PBX1: variants seen among roughly 807,000 people sequenced by gnomAD.
PBX1 encodes pre-B-cell leukemia transcription factor 1.
In PBX1, 6 loss-of-function variants were observed where a neutral mutation model predicts 53.4. The ratio of observed to expected loss-of-function variants is 0.11; its 90% CI spans 0.06 to 0.22. The LOEUF is 0.22. Ranked by LOEUF, PBX1 falls within the 10% of genes least tolerant of loss-of-function variation. The pLI is 1.00. For missense variants in PBX1, 251 were observed against 551.4 expected (o/e 0.46, Z 5.46); for synonymous variants, 204 against 212.3 (o/e 0.96, Z 0.34).
chr1:164,670,982 G>A (rs964455515), intron 2 of PBX1, among the ~76,000 whole-genome samples: 1 of 152,152 alleles, frequency 6.6e-6, no homozygotes, highest in African/African-American at 2.4e-5. Context: ...TTCCCTATCA[G>A]CCAGTGACAT....
rs183324512 is a variant in PBX1, at chr1:164,626,659, C to T, written c.265+63348C>T. ...CAGAGATAGGCAACTGCTGTTTTCCCGTCTTAAAACTCTAGAAAACTGGAG... is the reference window on the plus strand; with the variant it reads ...CAGAGATAGGCAACTGCTGTTTTCCTGTCTTAAAACTCTAGAAAACTGGAG... On this transcript the variant is annotated intron_variant, in intron 2 of 8. Transcript: ENST00000420696. Among the ~76,000 whole-genome samples, 69 of 152,238 alleles carry T rather than the reference C, an allele frequency of 4.5e-4. 1 individual carries two copies. The highest frequency in any genetic ancestry group is 2.1e-4 in the Non-Finnish European group (14 of 68,022).
intron 2 of PBX1, among the ~76,000 whole-genome samples, chr1:164,776,651 A>G (rs937437506): frequency 6.6e-6 from 1 of 152,146 alleles, no homozygotes. Context: ...TTCTTTTCCT[A>G]GTGACTTTAA....
At chr1:164,664,764 T>C (rs1660708362) in intron 2 of PBX1, among the ~76,000 whole-genome samples, 1 of 152,104 alleles carries the variant, frequency 6.6e-6, no homozygotes, top group Admixed American at 6.6e-5. Context: ...ATATCTTATG[T>C]GGATGGCAGC....
At chr1:164,739,770 T>C (rs957808717) in intron 2 of PBX1, among the ~76,000 whole-genome samples, 8 of 151,476 alleles carry the variant, frequency 5.3e-5, no homozygotes, top group South Asian at 2.1e-4. Context: ...TGTGTGTGTG[T>C]GTGTGTGTGT....
chr1:164,619,594 A>G lies in PBX1; in HGVS notation c.265+56283A>G, dbSNP rs186635267. Among the ~76,000 whole-genome samples the G allele has an allele frequency of 3.0e-3, 453 of 152,266 alleles. 1 individual carries two copies. The highest frequency in any genetic ancestry group is 6.8e-3 in the Middle Eastern group (2 of 294). Reference sequence around the variant, plus strand: ...CAAAGCCTAAGTACTCGCCTTGACCACAGGGAGCAGTTCACCTCCCTTGGG... The same window carrying G: ...CAAAGCCTAAGTACTCGCCTTGACCGCAGGGAGCAGTTCACCTCCCTTGGG... On this transcript the variant is annotated intron_variant, in intron 2 of 8. Transcript: ENST00000420696.
At chr1:164,595,432 T>C (rs76972130) in intron 2 of PBX1, among the ~76,000 whole-genome samples, 9,311 of 152,074 alleles carry the variant, frequency 0.061, 368 homozygotes, top group Middle Eastern at 0.095. Context: ...ATGATGGCTC[T>C]TCAAGCTAAG....
chr1:164,736,392 T>C (rs925445928), intron 2 of PBX1, among the ~76,000 whole-genome samples: 2 of 152,112 alleles, frequency 1.3e-5, no homozygotes, highest in Non-Finnish European at 2.9e-5. Flanking sequence ...GGCTGTCAGC[T>C]CCACTCACCC....
chr1:164,833,185 C>T (rs532449111), intron 8 of PBX1, among the ~76,000 whole-genome samples: 85 of 149,514 alleles, frequency 5.7e-4, no homozygotes, highest in African/African-American at 2.1e-3. Flanking sequence ...GGCAATAACC[C>T]TCCCCTCGCT....
At chr1:164,744,396 C>T (rs576550224) in intron 2 of PBX1, among the ~76,000 whole-genome samples, 5 of 152,304 alleles carry the variant, frequency 3.3e-5, no homozygotes, top group South Asian at 4.1e-4. Flanking sequence ...GTCTTAGATA[C>T]GTCTAATGAG....
chr1:164,709,574 C>T (rs1663635616), intron 2 of PBX1, among the ~76,000 whole-genome samples: 1 of 151,994 alleles, frequency 6.6e-6, no homozygotes, highest in Non-Finnish European at 1.5e-5. Context: ...TTAAGACCAC[C>T]AAGACATTTC....
At chr1:164,821,816 G>A (rs1177794672) in intron 8 of PBX1, among the ~76,000 whole-genome samples, 190 bp downstream of exon 8, 2 of 152,164 alleles carry the variant, frequency 1.3e-5, no homozygotes, top group East Asian at 3.9e-4. Context: ...GATTGGGCAG[G>A]CTTCATGCAG....
chr1:164,869,811 G>C (rs149155086), intron 2 of PBX1, among the ~76,000 whole-genome samples: 3 of 152,330 alleles, frequency 2.0e-5, no homozygotes, highest in African/African-American at 7.2e-5. Flanking sequence ...AGTGACATTT[G>C]AGTAAGACCT....
chr1:164,682,775 A>G (rs760563272), intron 2 of PBX1: 1 of 152,204 alleles, frequency 6.6e-6, no homozygotes, highest in Non-Finnish European at 1.5e-5. Flanking sequence ...CTGCCATTGC[A>G]GAGTCCCGTC....
chr1:164,719,131 A>G (rs1023206248), intron 2 of PBX1, among the ~76,000 whole-genome samples: 4 of 152,192 alleles, frequency 2.6e-5, no homozygotes, highest in African/African-American at 9.6e-5. Context: ...TGCAAAAGAG[A>G]CCTACACAGA....
chr1:164,769,243 T>G (rs1667239435), intron 2 of PBX1: 1 of 152,194 alleles, frequency 6.6e-6, no homozygotes, highest in Non-Finnish European at 1.5e-5. Flanking sequence ...CAAATGAGAC[T>G]CTGGCCCCAA....
At chr1:164,633,827 G>T (rs1465985975) in intron 2 of PBX1, among the ~76,000 whole-genome samples, 1 of 152,110 alleles carries the variant, frequency 6.6e-6, no homozygotes, top group African/African-American at 2.4e-5. Context: ...TATCTGCCTC[G>T]GAGTTAATAC....
Position 164,799,905 on chromosome 1 carries a change from G to A in PBX1, c.701+16G>A. ...TGGATGCGCGGTGAGTCTCCCATGG[G>A]GCTGTCCTGCCCTCTCTGGGAGTCC... On this transcript the variant is annotated intron_variant, in intron 4 of 8. Coordinates refer to ENST00000420696, the MANE Select transcript of PBX1 (RefSeq NM_002585.4). The A allele has an allele frequency of 6.2e-7, 1 of 1,602,640 alleles. No individual in the cohort carries two copies.
At chr1:164,747,418 A>C (rs898342130) in intron 2 of PBX1, among the ~76,000 whole-genome samples, 3 of 152,122 alleles carry the variant, frequency 2.0e-5, no homozygotes, top group Non-Finnish European at 4.4e-5. Context: ...TATTCACAGA[A>C]GATAACTTTG....
chr1:164,659,437 T>C (rs766457079), intron 2 of PBX1, among the ~76,000 whole-genome samples: 2 of 152,220 alleles, frequency 1.3e-5, no homozygotes, highest in African/African-American at 2.4e-5. Context: ...CTGTAGCATA[T>C]GTTTCCCTTG....
Sources: allele counts gnomAD v4.1 joint callset (sites outside exome capture counted in the v4.1 genomes callset), GRCh38; gene constraint gnomAD v4.1.1; transcripts MANE v1.5; gene names NCBI Gene and HGNC (gene_info 2026-07-23, HGNC 2026-07-21).